The following HS3ST2 variants were observed in gnomAD, a reference collection of about 807,000 sequenced individuals.
The protein encoded by HS3ST2 is heparan sulfate glucosamine 3-O-sulfotransferase 2.
In HS3ST2, 17 loss-of-function variants were observed where a neutral mutation model predicts 26.3. That is an observed-to-expected ratio of 0.65 (90% CI 0.44 to 0.97). HS3ST2 has a LOEUF of 0.97. Ranked by LOEUF, HS3ST2 falls within the 50% of genes least tolerant of loss-of-function variation. HS3ST2 has a pLI of 0.00. For missense variants in HS3ST2, 402 were observed against 501.2 expected, an observed-to-expected ratio of 0.80 and a Z score of 1.89; for synonymous variants, 237 against 219.2, an observed-to-expected ratio of 1.08 and a Z score of -0.72.
intron 1 of HS3ST2, among the ~76,000 whole-genome samples, chr16:22,872,200 GAGATAAACCCA>G (rs1901848236): frequency 6.6e-6 from 1 of 152,194 alleles, no homozygotes; most frequent in South Asian, 2.1e-4. Flanking sequence ...GGCAGCCCTA[GAGATAAACCCA>G]AGTAAAAGAC....
At chr16:22,855,715 T>TCTCTCTCTCTCC (rs1260341608) in intron 1 of HS3ST2, among the ~76,000 whole-genome samples, 1 of 151,872 alleles carries the variant, frequency 6.6e-6, no homozygotes, top group East Asian at 1.9e-4. Flanking sequence ...TCTCTCTCTC[T>TCTCTCTCTCTCC]CTCTCTCTCT....
intron 1 of HS3ST2, among the ~76,000 whole-genome samples, chr16:22,848,440 C>T (rs1286013294): frequency 3.3e-5 from 5 of 152,122 alleles, no homozygotes; most frequent in Non-Finnish European, 7.4e-5. Flanking sequence ...ATTTTTTGAA[C>T]AGACATTAAC....
chr16:22,868,513 T>C (rs776324419), intron 1 of HS3ST2, among the ~76,000 whole-genome samples: 2 of 152,100 alleles, frequency 1.3e-5, no homozygotes, highest in Non-Finnish European at 1.5e-5. Flanking sequence ...CATTTTTTCC[T>C]TTACTTATTC....
intron 1 of HS3ST2, among the ~76,000 whole-genome samples, chr16:22,902,773 T>C (rs1477991044): frequency 6.6e-6 from 1 of 152,200 alleles, no homozygotes; most frequent in African/African-American, 2.4e-5. Context: ...TGATTTTAGT[T>C]TGTGTTTCCT....
chr16:22,882,170 A>G (rs208609), intron 1 of HS3ST2, among the ~76,000 whole-genome samples: 90,956 of 151,976 alleles, frequency 0.6, 27,890 homozygotes, highest in East Asian at 0.88. Context: ...GAGCAGTCTG[A>G]ACAACATGGT....
At chr16:22,824,893 C>G (rs1596604377) in intron 1 of HS3ST2, among the ~76,000 whole-genome samples, 2 of 152,170 alleles carry the variant, frequency 1.3e-5, no homozygotes, top group East Asian at 3.9e-4. Flanking sequence ...GAAGGAACCC[C>G]AGATCAACCC....
At chr16:22,900,168 G>C (rs2141204093) in intron 1 of HS3ST2, among the ~76,000 whole-genome samples, 1 of 152,276 alleles carries the variant, frequency 6.6e-6, no homozygotes, top group Non-Finnish European at 1.5e-5. Context: ...TCTATATGGG[G>C]GAAGGGGTAG....
intron 1 of HS3ST2, 43 bp from the exon 2 acceptor site, chr16:22,914,901 C>G (rs762876439): frequency 6.4e-7 from 1 of 1,561,130 alleles, no homozygotes; most frequent in Non-Finnish European, 8.6e-7. Flanking sequence ...AGGCCTGGCC[C>G]CAGGGAAACC....
Position 22,814,591 on chromosome 16 carries a change from C to A in HS3ST2, c.-20C>A. On this transcript the variant is annotated 5_prime_UTR_variant, in exon 1 of 2. Coordinates refer to ENST00000261374, the MANE Select transcript of HS3ST2 (RefSeq NM_006043.2). ...GTGCCCCCTCGGAAACCATGACCCC[C>A]GGCGCGGGCCCATGGAGCCATGGCC... 1 of 1,507,288 alleles carries A rather than the reference C, an allele frequency of 6.6e-7. No homozygotes were observed. Among genetic ancestry groups the A allele is most frequent in the Non-Finnish European group, 8.8e-7 (1 of 1,131,460 alleles). The allele number at this position is 1,507,288 out of a possible 1,614,324, so 93.4% of individuals were successfully genotyped here.
At chr16:22,892,289 C>CAA (rs529693229) in intron 1 of HS3ST2, among the ~76,000 whole-genome samples, 2 of 61,154 alleles carry the variant, frequency 3.3e-5, no homozygotes, top group African/African-American at 6.3e-5. Flanking sequence ...GACTCTGTCT[C>CAA]AAAAAAAAAA....
At chr16:22,836,114 C>T (rs1311859209) in intron 1 of HS3ST2, among the ~76,000 whole-genome samples, 2 of 151,846 alleles carry the variant, frequency 1.3e-5, no homozygotes, top group Admixed American at 6.6e-5. Flanking sequence ...TAACCATAAT[C>T]TGTGAAGGGC....
intron 1 of HS3ST2, among the ~76,000 whole-genome samples, chr16:22,820,227 T>C (rs1198158161): frequency 1.3e-5 from 2 of 152,182 alleles, no homozygotes; most frequent in African/African-American, 4.8e-5. Flanking sequence ...GTAGATATAA[T>C]ACTTAGTGCC....
intron 1 of HS3ST2, among the ~76,000 whole-genome samples, chr16:22,848,041 T>C (rs924001732): frequency 1.3e-5 from 2 of 152,132 alleles, no homozygotes; most frequent in African/African-American, 4.8e-5. Flanking sequence ...CCTCATGTGT[T>C]TTCTGGAATC....
At chr16:22,816,111 A>G (rs986629523) in intron 1 of HS3ST2, among the ~76,000 whole-genome samples, 5 of 152,174 alleles carry the variant, frequency 3.3e-5, no homozygotes, top group African/African-American at 7.2e-5. Flanking sequence ...CTAGCCCTGT[A>G]TGGTGCTGAA....
chr16:22,848,005 C>T (rs1290980308), intron 1 of HS3ST2, among the ~76,000 whole-genome samples: 5 of 152,134 alleles, frequency 3.3e-5, no homozygotes, highest in African/African-American at 4.8e-5. Context: ...GTCTCATTTT[C>T]TTCAATTCTT....
rs1596605409 is a variant in HS3ST2 at position 22,827,507 on chromosome 16, AAGG to A, written c.485+12415_485+12417del. ...TTGCAGCAGTGGTGGTGGAGAGAGAAAGGAGAGGGGACAGATGCTGGATACACT... is the reference window on the plus strand; with the variant it reads ...TTGCAGCAGTGGTGGTGGAGAGAGAAAGAGGGGACAGATGCTGGATACACT... On this transcript the variant is annotated intron_variant, in intron 1 of 1. Transcript: ENST00000261374. Among the ~76,000 whole-genome samples the A allele has an allele frequency of 3.9e-5, 6 of 151,918 alleles. No individual in the cohort carries two copies. In the East Asian group the frequency reaches 1.2e-3, roughly 29 times the overall value.
chr16:22,856,851 C>G (rs1901603150), intron 1 of HS3ST2, among the ~76,000 whole-genome samples: 1 of 152,136 alleles, frequency 6.6e-6, no homozygotes, highest in African/African-American at 2.4e-5. Context: ...CTGGGCCTTT[C>G]CATGAGAGTG....
rs545727861 is a variant in HS3ST2, at chr16:22,863,008, C to T, written c.485+47913C>T. 5.9e-5 allele frequency among the ~76,000 whole-genome samples: 9 copies of T among 152,320 alleles called. No homozygotes were observed. In the East Asian group the frequency reaches 9.6e-4, roughly 16 times the overall value. ...TTTCCAGGTTCCAGGGGTTAGGACC[C>T]GCTGGGGACCATTCCTCAGCCGACT... is the stretch of plus-strand genomic sequence containing the variant. On this transcript the variant is annotated intron_variant, in intron 1 of 1. Coordinates refer to ENST00000261374, the MANE Select transcript of HS3ST2 (RefSeq NM_006043.2).
chr16:22,859,868 A>AT (rs1333806815), intron 1 of HS3ST2, among the ~76,000 whole-genome samples: 2 of 152,142 alleles, frequency 1.3e-5, no homozygotes, highest in Admixed American at 1.3e-4. Context: ...TGACTTGGGC[A>AT]TGTAGGGGTG....
Sources: allele counts gnomAD v4.1 joint callset (sites outside exome capture counted in the v4.1 genomes callset), GRCh38; gene constraint gnomAD v4.1.1; transcripts MANE v1.5; gene names NCBI Gene and HGNC (gene_info 2026-07-23, HGNC 2026-07-21).